The following GUCY2C variants were observed in gnomAD, a reference collection of about 807,000 sequenced individuals.
GUCY2C encodes guanylate cyclase 2C.
GUCY2C carries 118 observed loss-of-function variants against 131.1 expected under a neutral mutation model. The ratio of observed to expected loss-of-function variants is 0.90; its 90% CI spans 0.78 to 1.05. The LOEUF (loss-of-function observed/expected upper bound fraction) is 1.05. Ranked by LOEUF, GUCY2C falls within the 50% of genes least tolerant of loss-of-function variation. The probability of loss-of-function intolerance (pLI) is 0.00; values close to 1 mark genes in which losing one functional copy is unlikely to be tolerated. For synonymous variants in GUCY2C, 452 were observed against 457.8 expected (o/e 0.99, Z 0.16); for missense variants, 1,161 against 1,304.4 (o/e 0.89, Z 1.69).
rs747601226 is a variant in GUCY2C, at chr12:14,613,078, G to GT, written c.*38dup. On this transcript the variant is annotated 3_prime_UTR_variant, in exon 27 of 27. Coordinates refer to ENST00000261170, the MANE Select transcript of GUCY2C (RefSeq NM_004963.4). This position sits in a 1 kb window ranked among gnomAD's most constrained non-coding sequence, Gnocchi z 4.9. Reference sequence around the variant, plus strand: ...TTGAGGTCGCTGCCTCAGTGCAGCTGTATTTTAATTTGTGTGAGTCCTTAT... The same window carrying GT: ...TTGAGGTCGCTGCCTCAGTGCAGCTGTTATTTTAATTTGTGTGAGTCCTTAT... The GT allele has an allele frequency of 2.0e-6, 3 of 1,535,472 alleles. No homozygotes were observed. The highest frequency in any genetic ancestry group is 2.7e-6 in the Non-Finnish European group (3 of 1,110,044).
intron 13 of GUCY2C, among the ~76,000 whole-genome samples, chr12:14,652,568 C>T (rs1319047242): frequency 3.3e-5 from 5 of 151,998 alleles, no homozygotes; most frequent in African/African-American, 1.2e-4. Flanking sequence ...GGAAGGAAGG[C>T]AGGCAGAAGG....
At chr12:14,675,368 T>A (rs189752928) in intron 7 of GUCY2C, among the ~76,000 whole-genome samples, 58 of 152,096 alleles carry the variant, frequency 3.8e-4, no homozygotes, top group Non-Finnish European at 5.4e-4. Context: ...ATTCCCATGA[T>A]GAAAAACATA....
intron 16 of GUCY2C, among the ~76,000 whole-genome samples, chr12:14,644,605 G>T (rs187696091): frequency 1.3e-5 from 2 of 152,104 alleles, no homozygotes. Flanking sequence ...ATTCTTGAAT[G>T]AGGCCCTGGT....
intron 15 of GUCY2C, among the ~76,000 whole-genome samples, chr12:14,646,445 G>T (rs1293787206): frequency 6.6e-6 from 1 of 152,044 alleles, no homozygotes; most frequent in African/African-American, 2.4e-5. Context: ...TCTTTTCTAT[G>T]CCTTCTCTCC....
rs548199932 is a variant in GUCY2C at position 14,682,268 on chromosome 12, A to G, written c.611+774T>C. Among the ~76,000 whole-genome samples the G allele has an allele frequency of 6.6e-5, 10 of 152,298 alleles. No individual in the cohort carries two copies. The East Asian group carries it at 9.6e-4, about 15-fold the overall frequency. On this transcript the variant is annotated intron_variant, in intron 4 of 26. Coordinates refer to ENST00000261170, the MANE Select transcript of GUCY2C (RefSeq NM_004963.4). Reference sequence around the variant, plus strand: ...ATCCCCACGTGTCAAGGGAGAGACCAGGTGGAGGTAATTGAACCATGGGGG... The same window carrying G: ...ATCCCCACGTGTCAAGGGAGAGACCGGGTGGAGGTAATTGAACCATGGGGG...
chr12:14,658,836 T>G (rs1484789816), intron 11 of GUCY2C, among the ~76,000 whole-genome samples: 1 of 151,300 alleles, frequency 6.6e-6, no homozygotes, highest in African/African-American at 2.4e-5. Flanking sequence ...TTGTGTATTA[T>G]TTTAGATATA....
intron 9 of GUCY2C, 130 bp downstream of exon 9, chr12:14,672,743 A>C: frequency 1.6e-6 from 1 of 636,596 alleles, no homozygotes; most frequent in Non-Finnish European, 2.9e-6. Flanking sequence ...CGTAATTGTG[A>C]AGTTGAAATG....
intron 19 of GUCY2C, among the ~76,000 whole-genome samples, chr12:14,634,739 T>G (rs1330861840): frequency 6.6e-6 from 1 of 152,110 alleles, no homozygotes; most frequent in Non-Finnish European, 1.5e-5. Flanking sequence ...TGTAAAGAAA[T>G]ATGTAGACTG....
intron 21 of GUCY2C, among the ~76,000 whole-genome samples, chr12:14,622,734 C>G (rs1224313330): frequency 6.6e-6 from 1 of 152,164 alleles, no homozygotes; most frequent in Admixed American, 6.5e-5. Flanking sequence ...TATTCTGAAC[C>G]AGAGTTCATT....
At position 14,645,323 on chromosome 12, in the gene GUCY2C, G is replaced by C. The variant is rs759765840; in HGVS notation, c.1711-8C>G. On this transcript the variant is annotated splice_region_variant and splice_polypyrimidine_tract_variant and intron_variant, in intron 15 of 26. Transcript: ENST00000261170. ...TGTGTCATTTAAAACTTCCTGAATA[G>C]GAAAAAAGAAGAAGAAGAAAAGTTG... The C allele has an allele frequency of 7.0e-7, 1 of 1,431,620 alleles. No homozygotes were observed. Among genetic ancestry groups the C allele is most frequent in the South Asian group, 1.2e-5 (1 of 85,672 alleles). 88.7% of individuals were successfully genotyped at this position (1,431,620 alleles called of 1,614,324 possible). A position where few individuals can be genotyped will look rare whatever the true frequency, so the allele number is the denominator to read the frequency against.
intron 1 of GUCY2C, among the ~76,000 whole-genome samples, chr12:14,695,295 T>C (rs1176668801): frequency 6.6e-6 from 1 of 152,174 alleles, no homozygotes; most frequent in Non-Finnish European, 1.5e-5. Context: ...TTTCATGTAA[T>C]GTTATAAAAT....
At chr12:14,639,496 G>T (rs895256755) in intron 19 of GUCY2C, among the ~76,000 whole-genome samples, 2 of 152,048 alleles carry the variant, frequency 1.3e-5, no homozygotes, top group African/African-American at 4.8e-5. Context: ...ATATAATTAA[G>T]TTACAATTCT....
intron 25 of GUCY2C, among the ~76,000 whole-genome samples, chr12:14,616,314 G>C (rs761455076): frequency 3.9e-5 from 6 of 152,066 alleles, no homozygotes; most frequent in African/African-American, 4.8e-5. Flanking sequence ...GGGGGACAAG[G>C]GTTTTGATTC....
chr12:14,642,587 G>C (rs1174110758), intron 17 of GUCY2C, among the ~76,000 whole-genome samples: 2 of 152,094 alleles, frequency 1.3e-5, no homozygotes, highest in Admixed American at 6.5e-5. Flanking sequence ...TAAAGGTTAG[G>C]GGTTGTAGAA....
At chr12:14,651,589 G>A (rs748655951) in intron 14 of GUCY2C, 78 bp from the exon 15 acceptor site, 5 of 759,684 alleles carry the variant, frequency 6.6e-6, no homozygotes, top group Non-Finnish European at 1.2e-5. Flanking sequence ...CCAATAAAAT[G>A]TGTTTTGTTT....
At chr12:14,636,590 T>C (rs906014101) in intron 19 of GUCY2C, among the ~76,000 whole-genome samples, 4 of 152,166 alleles carry the variant, frequency 2.6e-5, no homozygotes, top group Admixed American at 2.0e-4. Flanking sequence ...TAGACAAGGA[T>C]GCCCAATTTC....
intron 17 of GUCY2C, among the ~76,000 whole-genome samples, chr12:14,642,735 C>T (rs1044751045): frequency 1.3e-5 from 2 of 152,240 alleles, no homozygotes; most frequent in South Asian, 4.1e-4. Flanking sequence ...TATCTGATGA[C>T]GATTTGTACT....
chr12:14,614,768 T>C (rs1232524379), intron 26 of GUCY2C, 99 bp downstream of exon 26: 7 of 688,738 alleles, frequency 1.0e-5, no homozygotes, highest in Admixed American at 9.2e-5. Context: ...TTATGCAATA[T>C]ATGCCACTTG....
chr12:14,635,329 A>T (rs1378871292), intron 19 of GUCY2C, among the ~76,000 whole-genome samples: 3 of 152,208 alleles, frequency 2.0e-5, no homozygotes, highest in Admixed American at 2.0e-4. Context: ...AACTACACAA[A>T]TACATAAAAA....
Sources: gnomAD v4.1 joint callset for allele counts (sites outside exome capture counted in the v4.1 genomes callset) on GRCh38, gnomAD v4.1.1 for gene constraint, Gnocchi (gnomAD v3.1) non-coding constraint, MANE v1.5 for transcripts, NCBI Gene and HGNC (gene_info 2026-07-23, HGNC 2026-07-21) for gene names.